NLGN1: variants seen among roughly 807,000 people sequenced by gnomAD.
NLGN1 encodes neuroligin 1, also known as neuroligin-1.
In NLGN1, 12 loss-of-function variants were observed where a neutral mutation model predicts 65.5. That is an observed-to-expected ratio of 0.18 (90% CI 0.12 to 0.30). NLGN1 has a LOEUF of 0.30. NLGN1 is among the 10% of genes least tolerant of loss of function. The probability of loss-of-function intolerance (pLI) is 1.00; values close to 1 mark genes in which losing one functional copy is unlikely to be tolerated. For synonymous variants in NLGN1, 350 were observed against 359.5 expected, an observed-to-expected ratio of 0.97 and a Z score of 0.30; for missense variants, 750 against 1,007.1, an observed-to-expected ratio of 0.74 and a Z score of 3.46.
intron 3 of NLGN1, among the ~76,000 whole-genome samples, chr3:173,738,000 C>T (rs967445750): frequency 8.6e-5 from 13 of 152,014 alleles, no homozygotes; most frequent in African/African-American, 2.7e-4. Context: ...TCCCTGAAGG[C>T]TAATGATGTT....
At chr3:173,567,028 G>A (rs899381047) in intron 2 of NLGN1, among the ~76,000 whole-genome samples, 1 of 152,092 alleles carries the variant, frequency 6.6e-6, no homozygotes, top group African/African-American at 2.4e-5. Flanking sequence ...CTGTGCCCTT[G>A]TGGGACCTCA....
At chr3:174,123,227 A>G (rs1398079921) in intron 4 of NLGN1, among the ~76,000 whole-genome samples, 3 of 152,148 alleles carry the variant, frequency 2.0e-5, no homozygotes, top group Admixed American at 1.3e-4. Flanking sequence ...GGTTTTGGAG[A>G]TGAAAACCAG....
intron 4 of NLGN1, among the ~76,000 whole-genome samples, chr3:174,272,400 T>C (rs1165416419): frequency 6.6e-6 from 1 of 151,798 alleles, no homozygotes; most frequent in Non-Finnish European, 1.5e-5. Flanking sequence ...TGTATCTCTT[T>C]TGAGACAGCA....
intron 4 of NLGN1, among the ~76,000 whole-genome samples, chr3:174,086,646 A>G (rs1743457366): frequency 6.6e-6 from 1 of 151,910 alleles, no homozygotes; most frequent in East Asian, 1.9e-4. Flanking sequence ...GCCTTTGTAC[A>G]TTTGTGGTGA....
intron 4 of NLGN1, among the ~76,000 whole-genome samples, chr3:173,848,178 A>C (rs567003802): frequency 2.1e-4 from 32 of 152,218 alleles, no homozygotes; most frequent in Non-Finnish European, 1.0e-4. Flanking sequence ...TATCTAATGT[A>C]GTATGACAAT....
chr3:173,971,039 C>A (rs1044572577), intron 4 of NLGN1, among the ~76,000 whole-genome samples: 1 of 151,922 alleles, frequency 6.6e-6, no homozygotes, highest in Non-Finnish European at 1.5e-5. Flanking sequence ...AAGATGAAAC[C>A]GTGAGTTAAT....
At chr3:173,602,813 C>A (rs6791231) in intron 2 of NLGN1, among the ~76,000 whole-genome samples, 132,385 of 152,004 alleles carry the variant, frequency 0.87, 57,751 homozygotes, top group South Asian at 0.93. Flanking sequence ...GCAGAAGAGT[C>A]AGCATTATAT....
chr3:173,785,658 A>G (rs1266429488), intron 3 of NLGN1, among the ~76,000 whole-genome samples: 1 of 151,240 alleles, frequency 6.6e-6, no homozygotes, highest in Non-Finnish European at 1.5e-5. Context: ...AGGTATATAC[A>G]TATGCATAGT....
At chr3:173,645,219 C>T (rs187029784) in intron 3 of NLGN1, among the ~76,000 whole-genome samples, 1 of 152,332 alleles carries the variant, frequency 6.6e-6, no homozygotes, top group Non-Finnish European at 1.5e-5. Context: ...TACTGGGCAG[C>T]CAGGAGGCTT....
At chr3:173,719,584 G>A in intron 3 of NLGN1, among the ~76,000 whole-genome samples, 1 of 152,098 alleles carries the variant, frequency 6.6e-6, no homozygotes. Flanking sequence ...TAAGGGCACT[G>A]TTAAAAAGAT....
exon 7 of NLGN1, chr3:174,284,905 T>C (rs964162395): frequency 6.6e-6 from 1 of 151,358 alleles, no homozygotes; most frequent in Non-Finnish European, 1.5e-5. Context: ...CTGATCTGTA[T>C]GTGAAAACAG....
intron 3 of NLGN1, among the ~76,000 whole-genome samples, chr3:173,721,776 T>G (rs1259005628): frequency 6.6e-6 from 1 of 152,212 alleles, no homozygotes; most frequent in Non-Finnish European, 1.5e-5. Context: ...CTTTGCCGCA[T>G]AGTACAGCCA....
chr3:173,447,667 T>C (rs373378480), intron 2 of NLGN1, among the ~76,000 whole-genome samples: 28,572 of 152,090 alleles, frequency 0.19, 2,945 homozygotes, highest in African/African-American at 0.27. Flanking sequence ...GCCATTTTCA[T>C]GATATTGATT....
At chr3:174,247,804 C>T (rs939650327) in intron 4 of NLGN1, among the ~76,000 whole-genome samples, 1 of 152,316 alleles carries the variant, frequency 6.6e-6, no homozygotes, top group Admixed American at 6.5e-5. Context: ...TTTCAGGCTC[C>T]ACAGTGATGG....
chr3:174,206,365 C>T (rs1735412753), intron 4 of NLGN1, among the ~76,000 whole-genome samples: 1 of 152,186 alleles, frequency 6.6e-6, no homozygotes, highest in Non-Finnish European at 1.5e-5. Flanking sequence ...CAACATCAGG[C>T]ACCTTGGAAG....
chr3:173,965,847 A>G (rs966899415), intron 4 of NLGN1, among the ~76,000 whole-genome samples: 36 of 152,306 alleles, frequency 2.4e-4, no homozygotes, highest in African/African-American at 8.4e-4. Context: ...ATGTTTTGCT[A>G]TAGTACCTAT....
At chr3:174,287,756 CAGTCA>C (rs1273447909), downstream of NLGN1, among the ~76,000 whole-genome samples, 3 of 151,372 alleles carry the variant, frequency 2.0e-5, no homozygotes, top group Non-Finnish European at 4.4e-5. Context: ...ATCTTCTTAC[CAGTCA>C]CTGTGGCTCC....
At chr3:173,604,909 G>C in exon 3 of NLGN1, 1 of 1,613,644 alleles carries the variant, frequency 6.2e-7, no homozygotes, top group Non-Finnish European at 8.5e-7. Flanking sequence ...CCATCTCCCT[G>C]GTCAGATATC....
At chr3:173,689,786 T>C (rs1765200336) in intron 3 of NLGN1, among the ~76,000 whole-genome samples, 1 of 152,148 alleles carries the variant, frequency 6.6e-6, no homozygotes, top group Admixed American at 6.6e-5. Context: ...AAAAATCCTG[T>C]TCTCAAAAAT....
Sources: allele counts gnomAD v4.1 joint callset (sites outside exome capture counted in the v4.1 genomes callset), GRCh38; gene constraint gnomAD v4.1.1; transcripts MANE v1.5; gene names NCBI Gene and HGNC (gene_info 2026-07-23, HGNC 2026-07-21).